Variants in NAV2 observed in about 807,000 individuals in gnomAD.
NAV2 encodes neuron navigator 2.
In NAV2, 54 loss-of-function variants were observed where a neutral mutation model predicts 223.2. The ratio of observed to expected loss-of-function variants is 0.24; its 90% CI spans 0.19 to 0.30. NAV2 has a LOEUF of 0.30. Among genes scored for constraint, NAV2 ranks in the 10% least tolerant of loss-of-function variants. NAV2 has a pLI of 1.00. For synonymous variants in NAV2, 1,279 were observed against 1,239.3 expected (o/e 1.03, Z -0.67); for missense variants, 2,806 against 3,147.5 (o/e 0.89, Z 2.60).
chr11:19,633,814 A>T (rs1211674210), intron 1 of NAV2, among the ~76,000 whole-genome samples: 1 of 152,180 alleles, frequency 6.6e-6, no homozygotes, highest in Admixed American at 6.5e-5. Flanking sequence ...CCCTGTTCAG[A>T]AGGTAGGCCT....
At chr11:19,878,426 C>T (rs1401147819) in intron 4 of NAV2, among the ~76,000 whole-genome samples, 1 of 152,148 alleles carries the variant, frequency 6.6e-6, no homozygotes, top group African/African-American at 2.4e-5. Context: ...TGGGGCAAAG[C>T]GGTGTCCGTA....
chr11:19,782,737 G>A (rs925815525), intron 1 of NAV2, among the ~76,000 whole-genome samples: 2 of 152,138 alleles, frequency 1.3e-5, no homozygotes, highest in African/African-American at 2.4e-5. Context: ...CAGAAATGCT[G>A]TTTCTAATAT....
At chr11:19,761,796 A>G (rs1022563428) in intron 1 of NAV2, among the ~76,000 whole-genome samples, 1 of 152,174 alleles carries the variant, frequency 6.6e-6, no homozygotes, top group African/African-American at 2.4e-5. Context: ...TTAACCTACC[A>G]TTGAGTTCTG....
intron 1 of NAV2, among the ~76,000 whole-genome samples, chr11:19,764,963 G>A (rs1756464772): frequency 6.6e-6 from 1 of 152,028 alleles, no homozygotes; most frequent in African/African-American, 2.4e-5. Context: ...TTGCAAAATT[G>A]ATCCCTCTTC....
At chr11:19,522,895 A>G (rs2043712010) in intron 1 of NAV2, among the ~76,000 whole-genome samples, 1 of 151,872 alleles carries the variant, frequency 6.6e-6, no homozygotes, top group African/African-American at 2.4e-5. Context: ...GCCCCAACCT[A>G]CCTCCGGGGT....
intron 11 of NAV2, among the ~76,000 whole-genome samples, chr11:19,988,929 T>A (rs546491250): frequency 1.3e-5 from 2 of 152,272 alleles, no homozygotes; most frequent in African/African-American, 4.8e-5. Context: ...AAGAGTTTAA[T>A]CCAGGCCAGA....
Position 20,079,757 on chromosome 11 carries a change from A to G in NAV2, c.5180-307A>G, listed in dbSNP as rs556341306. ...CTAGCAATGAAGGTGCCAACTGCTCAGTTCACAAGCACATTTCCACACCTA... is the reference window on the plus strand; with the variant it reads ...CTAGCAATGAAGGTGCCAACTGCTCGGTTCACAAGCACATTTCCACACCTA... On this transcript the variant is annotated intron_variant, in intron 24 of 37. Transcript: ENST00000349880. Among the ~76,000 whole-genome samples the G allele has an allele frequency of 3.9e-5, 6 of 152,312 alleles. No homozygotes were observed. The East Asian group carries it at 1.2e-3, about 29-fold the overall frequency.
intron 1 of NAV2, among the ~76,000 whole-genome samples, chr11:19,552,876 AGTGT>A (rs889532093): frequency 1.2e-5 from 1 of 82,820 alleles, no homozygotes; most frequent in South Asian, 4.8e-4. Flanking sequence ...ATTGTGAGAG[AGTGT>A]GTGTGAGTGT....
chr11:19,821,136 C>A (rs950180977), intron 1 of NAV2, among the ~76,000 whole-genome samples: 1 of 152,062 alleles, frequency 6.6e-6, no homozygotes, highest in African/African-American at 2.4e-5. Flanking sequence ...GTGGCAGGCA[C>A]CTGTAGTCCC....
At chr11:19,698,976 C>T (rs1331889185) in intron 1 of NAV2, among the ~76,000 whole-genome samples, 1 of 152,178 alleles carries the variant, frequency 6.6e-6, no homozygotes, top group African/African-American at 2.4e-5. Context: ...TGAAGAAGAC[C>T]ACTGCTAGCT....
chr11:19,777,405 C>A, intron 1 of NAV2: 1 of 410,424 alleles, frequency 2.4e-6, no homozygotes, highest in Non-Finnish European at 4.8e-6. Context: ...GGTGCTTCGG[C>A]TTTTTTTTTT....
chr11:19,827,431 G>A (rs1415442803), intron 1 of NAV2, among the ~76,000 whole-genome samples: 1 of 152,176 alleles, frequency 6.6e-6, no homozygotes, highest in African/African-American at 2.4e-5. Flanking sequence ...TAAATAGGTG[G>A]TCAGCTAGAA....
chr11:19,490,945 TA>T (rs2042604940), intron 1 of NAV2, among the ~76,000 whole-genome samples: 1 of 152,132 alleles, frequency 6.6e-6, no homozygotes, highest in South Asian at 2.1e-4. Flanking sequence ...GGCAGAAAAA[TA>T]GCATTAATAT....
At chr11:19,945,149 CTG>C in intron 8 of NAV2, among the ~76,000 whole-genome samples, 2 of 114,146 alleles carry the variant, frequency 1.8e-5, no homozygotes, top group Admixed American at 1.0e-4. Context: ...TCCTTTCTTT[CTG>C]TCTCCCTTCC....
intron 1 of NAV2, among the ~76,000 whole-genome samples, chr11:19,514,258 A>G (rs949057543): frequency 6.6e-6 from 1 of 151,852 alleles, no homozygotes; most frequent in Non-Finnish European, 1.5e-5. Context: ...GAAAATCTTA[A>G]TGTACTCATT....
chr11:19,992,920 T>C (rs2051483071), intron 11 of NAV2, among the ~76,000 whole-genome samples: 1 of 152,200 alleles, frequency 6.6e-6, no homozygotes, highest in Non-Finnish European at 1.5e-5. Context: ...AAATGGTAAC[T>C]GTTCAACAGT....
At chr11:19,803,523 T>C (rs1296040872) in intron 1 of NAV2, among the ~76,000 whole-genome samples, 2 of 152,240 alleles carry the variant, frequency 1.3e-5, no homozygotes, top group East Asian at 1.9e-4. Flanking sequence ...CTTACCTCTG[T>C]AGAGTGTCAG....
chr11:19,713,773 C>T lies in NAV2; in HGVS notation c.78C>T (p.His26=), dbSNP rs778481215. The T allele has an allele frequency of 1.9e-6, 3 of 1,612,822 alleles. No homozygotes were observed. The highest frequency in any genetic ancestry group is 2.5e-6 in the Non-Finnish European group (3 of 1,179,684). The part of the protein sequence containing the change: ...KPVHSAAPIL[H]VPPARAGPQP... ...TGCACAGCGCCGCGCCCATCCTGCA[C>T]GTGCCCCCGGCCCGGGCGGGCCCCC... is the stretch of plus-strand genomic sequence containing the variant. Residue 26 remains histidine, a synonymous_variant, in exon 1 of 38, where the codon CAC becomes CAT. Coordinates refer to ENST00000349880, the MANE Select transcript of NAV2 (RefSeq NM_145117.5). The surrounding 1 kb of genome is among the most constrained non-coding windows in gnomAD (Gnocchi z 7.2).
At chr11:19,463,900 G>A (rs989112210) in intron 1 of NAV2, among the ~76,000 whole-genome samples, 3 of 152,048 alleles carry the variant, frequency 2.0e-5, no homozygotes, top group South Asian at 2.1e-4. Context: ...TGAAGTCAGG[G>A]GACCCTCACC....
Sources: allele counts gnomAD v4.1 joint callset (sites outside exome capture counted in the v4.1 genomes callset), GRCh38; gene constraint gnomAD v4.1.1; non-coding constraint Gnocchi (gnomAD v3.1); transcripts MANE v1.5; gene names NCBI Gene and HGNC (gene_info 2026-07-23, HGNC 2026-07-21).